The following CNTROB variants were observed in gnomAD, a reference collection of about 807,000 sequenced individuals.
The protein encoded by CNTROB is centrobin, centriole duplication and spindle assembly protein.
Under a neutral mutation model 115.7 loss-of-function variants are expected in CNTROB, and 82 were observed. That is an observed-to-expected ratio of 0.71 (90% CI 0.59 to 0.85). The LOEUF is 0.85. CNTROB is among the 40% of genes least tolerant of loss of function. The pLI, the probability that CNTROB is intolerant of heterozygous loss-of-function variation, is 0.00. For missense variants in CNTROB, 1,014 were observed against 1,144.4 expected (o/e 0.89, Z 1.64); for synonymous variants, 439 against 456.4 (o/e 0.96, Z 0.49).
intron 7 of CNTROB, among the ~76,000 whole-genome samples, chr17:7,937,817 A>AAAAAT (rs1336064519): frequency 6.6e-6 from 1 of 152,146 alleles, no homozygotes; most frequent in East Asian, 1.9e-4. Flanking sequence ...AATAAAAATA[A>AAAAAT]AAAATAAAAT....
Position 7,943,334 on chromosome 17 carries a change from C to CAAACAG in CNTROB, c.1312-56_1312-55insAACAGA. 4 of 1,356,928 alleles carry CAAACAG rather than the reference C, an allele frequency of 2.9e-6. No individual in the cohort carries two copies. The highest frequency in any genetic ancestry group is 3.1e-6 in the Non-Finnish European group (3 of 961,786). 84.1% of individuals were successfully genotyped at this position (1,356,928 alleles called of 1,614,324 possible). On this transcript the variant is annotated intron_variant, in intron 9 of 18. Transcript: ENST00000563694. The surrounding 1 kb of genome is among the most constrained non-coding windows in gnomAD (Gnocchi z 4.7). ...TGGATTTTGTCTACATTATATCCTCCATCCTCTTCTAAGCCCAAACAGATT... is the reference window on the plus strand; with the variant it reads ...TGGATTTTGTCTACATTATATCCTCCAAACAGATCCTCTTCTAAGCCCAAACAGATT...
chr17:7,933,032 A>G lies in CNTROB; in HGVS notation c.-48A>G. The stretch of plus-strand genomic sequence containing the variant: ...TTTTCCTCCTGGACTTTGCTAAAGC[A>G]GAACCTCCCAGCTCTTTGCTGTCTC... On this transcript the variant is annotated 5_prime_UTR_variant, in exon 1 of 19. Coordinates refer to ENST00000563694, the MANE Select transcript of CNTROB (RefSeq NM_053051.5). 1 of 1,585,476 alleles carries G rather than the reference A, an allele frequency of 6.3e-7. No homozygotes were observed.
rs150101444 is a variant in CNTROB at position 7,941,564 on chromosome 17, A to T, written c.1311+1322A>T. Among the ~76,000 whole-genome samples, 315 of 143,230 alleles carry T rather than the reference A, an allele frequency of 2.2e-3. 1 individual carries two copies. Among genetic ancestry groups the T allele is most frequent in the African/African-American group, 7.1e-3 (270 of 38,098 alleles). The allele number at this position is 143,230 out of a possible 152,430, so 94.0% of individuals were successfully genotyped here. A position where few individuals can be genotyped will look rare whatever the true frequency, so the allele number is the denominator to read the frequency against. On this transcript the variant is annotated intron_variant, in intron 9 of 18. Transcript: ENST00000563694. ...CAGTGAGCCCAGATTGAACCAGTGT[A>T]CTCCAGCCTGGGCAACAGAGTGAGA...
At chr17:7,937,477 A>C (rs7224754) in intron 7 of CNTROB, among the ~76,000 whole-genome samples, 76,582 of 151,964 alleles carry the variant, frequency 0.5, 19,834 homozygotes, top group East Asian at 0.76. Flanking sequence ...AAATTGTATC[A>C]TCATTAGAAT....
chr17:7,947,759 C>T (rs1974727044), intron 14 of CNTROB, 37 bp downstream of exon 14: 2 of 1,600,812 alleles, frequency 1.2e-6, no homozygotes, highest in South Asian at 2.2e-5. Context: ...TCACTTTCTT[C>T]TTCCCTTTCT....
In CNTROB at chr17:7,948,761, C is replaced by A. The variant is rs111521813; in HGVS notation, c.2513+142C>A. The A allele has an allele frequency of 1.3e-6, 2 of 1,586,006 alleles. No homozygotes were observed. The highest frequency in any genetic ancestry group is 2.7e-5 in the African/African-American group (2 of 74,488). ...AAGGATGAGAGGTGGATCCACAGAT[C>A]TTCTCTAACTGCCCCACACTTTTCT... On this transcript the variant is annotated intron_variant, in intron 17 of 18. Transcript: ENST00000563694. This position sits in a 1 kb window ranked among gnomAD's most constrained non-coding sequence, Gnocchi z 4.4.
At position 7,940,201 on chromosome 17, in the gene CNTROB, A is replaced by G. The variant is rs774098690; in HGVS notation, c.1270A>G (p.Arg424Gly). 1.4e-5 allele frequency: 22 copies of G among 1,601,794 alleles called. No individual in the cohort carries two copies. Among genetic ancestry groups the G allele is most frequent in the East Asian group, 2.3e-5 (1 of 44,252 alleles). Reference sequence around the variant, plus strand: ...GGAAGGAGAGCTGGATACAGCTCGGAGAGAGAGAGATGCCCTGCAGCTGGA... The same window carrying G: ...GGAAGGAGAGCTGGATACAGCTCGGGGAGAGAGAGATGCCCTGCAGCTGGA... ...RLEGELDTAR[R>G]ERDALQLEMS... Residue 424 changes from arginine (R) to glycine (G), a missense_variant, in exon 9 of 19, where the codon AGA becomes GGA. Transcript: ENST00000563694.
At chr17:7,934,106 C>G in intron 1 of CNTROB, 32 bp from the exon 2 acceptor site, 3 of 1,578,004 alleles carry the variant, frequency 1.9e-6, no homozygotes, top group Non-Finnish European at 1.7e-6. Flanking sequence ...ATAACACAGA[C>G]TGCATCTGAT....
In CNTROB at chr17:7,948,540, C is replaced by G. The variant is rs772839157; in HGVS notation, c.2434C>G (p.Arg812Gly). The part of the protein sequence containing the change: ...RQLMEVSQLL[R>G]LYQARGWGAL... The stretch of plus-strand genomic sequence containing the variant: ...GCTGATGGAGGTGTCTCAACTGTTG[C>G]GACTCTACCAGGCTCGGGGCTGGGG... The change falls in exon 17 of 19, where the codon CGA becomes GGA. Residue 812 changes from arginine to glycine, a missense_variant. Physicochemically the swap from Arg to Gly is moderately radical, Grantham distance 125 (BLOSUM62 -2). Coordinates refer to ENST00000563694, the MANE Select transcript of CNTROB (RefSeq NM_053051.5). The surrounding 1 kb of genome is among the most constrained non-coding windows in gnomAD (Gnocchi z 4.4). 6.2e-7 allele frequency: 1 copy of G among 1,613,986 alleles called. No homozygotes were observed. Among genetic ancestry groups the G allele is most frequent in the Non-Finnish European group, 8.5e-7 (1 of 1,179,984 alleles).
At chr17:7,941,203 A>C (rs1044911044) in intron 9 of CNTROB, among the ~76,000 whole-genome samples, 1 of 147,366 alleles carries the variant, frequency 6.8e-6, no homozygotes, top group Non-Finnish European at 1.5e-5. Context: ...TAAAATGTGT[A>C]AGGACAAATT....
Position 7,944,498 on chromosome 17 carries a change from G to A in CNTROB, c.1594G>A (p.Val532Met), listed in dbSNP as rs749496408. ...ELRLAREQAR[V>M]CELQSGNQQL... The stretch of plus-strand genomic sequence containing the variant: ...CAGACTGGCCCGGGAGCAAGCGCGA[G>A]TGTGCGAACTGCAGAGTGGGAACCA... The change falls in exon 12 of 19, where the codon GTG (valine) becomes ATG (methionine). Residue 532 changes from valine (V) to methionine (M), a missense_variant. Transcript: ENST00000563694. This position sits in a 1 kb window ranked among gnomAD's most constrained non-coding sequence, Gnocchi z 4.0. The A allele has an allele frequency of 5.6e-6, 9 of 1,613,932 alleles. No homozygotes were observed. The East Asian group carries it at 1.8e-4, about 32-fold the overall frequency.
intron 5 of CNTROB, 91 bp from the exon 6 acceptor site, chr17:7,936,610 G>T (rs746958439): frequency 2.5e-6 from 2 of 800,400 alleles, no homozygotes. Context: ...TTTGCTGACT[G>T]TTGGGAGAAG....
In CNTROB at chr17:7,936,916, A is replaced by G. The variant is rs532835734; in HGVS notation, c.828+99A>G. ...TGGAATTAGGGTTTCCAACAGATTG[A>G]CCTCAGTCTTGTAGTGGCTGTCCTG... On this transcript the variant is annotated intron_variant, in intron 6 of 18. Coordinates refer to ENST00000563694, the MANE Select transcript of CNTROB (RefSeq NM_053051.5). 95 of 776,008 alleles carry G rather than the reference A, an allele frequency of 1.2e-4. No homozygotes were observed. In the African/African-American group the frequency reaches 1.5e-3, roughly 12 times the overall value. The allele number at this position is 776,008 out of a possible 1,614,324, so 48.1% of individuals were successfully genotyped here. A position where few individuals can be genotyped will look rare whatever the true frequency, so the allele number is the denominator to read the frequency against.
chr17:7,946,699 C>G (rs990335390), intron 13 of CNTROB, among the ~76,000 whole-genome samples: 1 of 151,970 alleles, frequency 6.6e-6, no homozygotes, highest in African/African-American at 2.4e-5. Flanking sequence ...GAGACCTCAT[C>G]TCTACACAAA....
intron 13 of CNTROB, 132 bp from the exon 14 acceptor site, chr17:7,947,436 ATCT>A: frequency 1.2e-6 from 1 of 856,084 alleles, no homozygotes; most frequent in Non-Finnish European, 1.7e-6. Flanking sequence ...CTCCATCTTC[ATCT>A]TCTCTTAGCT....
chr17:7,934,391 C>T, intron 2 of CNTROB, 74 bp from the exon 3 acceptor site: 1 of 1,425,282 alleles, frequency 7.0e-7, no homozygotes, highest in Middle Eastern at 1.8e-4. Flanking sequence ...GAAAGGAAGG[C>T]CTTTTCTCTT....
intron 4 of CNTROB, 36 bp from the exon 5 acceptor site, chr17:7,936,330 A>G (rs1386366469): frequency 3.4e-6 from 3 of 877,636 alleles, no homozygotes; most frequent in Middle Eastern, 4.5e-4. Context: ...CATACCAAAG[A>G]TGGGCAACAC....
rs775920911 is a variant in CNTROB at position 7,943,668 on chromosome 17, C to T, written c.1445+144C>T. 1 of 873,918 alleles carries T rather than the reference C, an allele frequency of 1.1e-6. No homozygotes were observed. Among genetic ancestry groups the T allele is most frequent in the Non-Finnish European group, 1.7e-6 (1 of 595,554 alleles). The allele number at this position is 873,918 out of a possible 1,614,324, so 54.1% of individuals were successfully genotyped here. A position where few individuals can be genotyped will look rare whatever the true frequency, so the allele number is the denominator to read the frequency against. ...AACTCCCATCAGCTGGGACCTGAGT[C>T]TCTCTCGGGAGGGCTGCCTTCACGC... On this transcript the variant is annotated intron_variant, in intron 10 of 18. Coordinates refer to ENST00000563694, the MANE Select transcript of CNTROB (RefSeq NM_053051.5). This position sits in a 1 kb window ranked among gnomAD's most constrained non-coding sequence, Gnocchi z 4.7.
At position 7,935,785 on chromosome 17, in the gene CNTROB, G is replaced by A. The variant is rs181608631; in HGVS notation, c.595-581G>A. The A allele has an allele frequency of 1.1e-3, 168 of 159,996 alleles. 3 individuals are homozygous for A. The highest frequency in any genetic ancestry group is 9.1e-3 in the Admixed American group (157 of 17,170). 9.9% of individuals were successfully genotyped at this position (159,996 alleles called of 1,614,324 possible). On this transcript the variant is annotated intron_variant, in intron 4 of 18. Transcript: ENST00000563694. ...AACACAGAAACACTCTGTGTTTGTCGAATGGACACAAACTCTGCTAGCTTG... is the reference window on the plus strand; with the variant it reads ...AACACAGAAACACTCTGTGTTTGTCAAATGGACACAAACTCTGCTAGCTTG...
Sources: gnomAD v4.1 joint callset for allele counts (sites outside exome capture counted in the v4.1 genomes callset) on GRCh38, gnomAD v4.1.1 for gene constraint, Gnocchi (gnomAD v3.1) non-coding constraint, MANE v1.5 for transcripts, NCBI Gene and HGNC (gene_info 2026-07-23, HGNC 2026-07-21) for gene names.